Variants in SPTAN1 observed in about 807,000 individuals in gnomAD.
SPTAN1 encodes the protein spectrin alpha chain, non-erythrocytic 1.
SPTAN1 carries 61 observed loss-of-function variants against 331.3 expected under a neutral mutation model. The ratio of observed to expected loss-of-function variants is 0.18; its 90% confidence interval spans 0.15 to 0.23. The LOEUF (loss-of-function observed/expected upper bound fraction) is 0.23, where lower values mean the gene tolerates loss of function less well. Ranked by LOEUF, SPTAN1 falls within the 10% of genes least tolerant of loss-of-function variation. SPTAN1 has a pLI of 1.00. For synonymous variants in SPTAN1, 1,153 were observed against 1,173.9 expected, an observed-to-expected ratio of 0.98 and a Z score of 0.36; for missense variants, 2,043 against 3,147.9, an observed-to-expected ratio of 0.65 and a Z score of 8.40.
intron 10 of SPTAN1, among the ~76,000 whole-genome samples, chr9:128,580,278 C>A (rs1167612439): frequency 6.7e-6 from 1 of 149,600 alleles, no homozygotes; most frequent in Non-Finnish European, 1.5e-5. Flanking sequence ...GAGACCCTGT[C>A]TCTAAAAAAA....
At chr9:128,569,019 G>C (rs1273038730) in intron 3 of SPTAN1, 122 bp downstream of exon 3, 1 of 1,389,420 alleles carries the variant, frequency 7.2e-7, no homozygotes, top group East Asian at 2.4e-5. Context: ...AAGAATTTAT[G>C]AAGTCTCCTT....
chr9:128,598,463 G>A lies in SPTAN1; in HGVS notation c.3478G>A (p.Glu1160Lys). 1 of 1,613,196 alleles carries A rather than the reference G, an allele frequency of 6.2e-7. No individual in the cohort carries two copies. Among genetic ancestry groups the A allele is most frequent in the Non-Finnish European group, 8.5e-7 (1 of 1,179,724 alleles). ...CAAGGTAGCTGAAGACCTGGAGTCTGAAGGTCTCATGGCAGAGGAGGTGCA... is the reference window on the plus strand; with the variant it reads ...CAAGGTAGCTGAAGACCTGGAGTCTAAAGGTCTCATGGCAGAGGAGGTGCA... ...INKVAEDLES[E>K]GLMAEEVQAV... The change falls in exon 25 of 57, where the codon GAA (glutamate) becomes AAA (lysine). Residue 1160 changes from glutamate (E) to lysine (K), a missense_variant. Around this residue, in one of 12 missense-constraint regions of SPTAN1, gnomAD observed 1,038 missense variants for 1,531.5 expected, o/e 0.68. Transcript: ENST00000372739.
rs187613754 is a variant in SPTAN1, at chr9:128,632,799, C to T, written c.7161-9C>T. 3.0e-4 allele frequency: 483 copies of T among 1,614,072 alleles called. 1 individual carries two copies. The highest frequency in any genetic ancestry group is 1.3e-3 in the African/African-American group (95 of 75,042). On this transcript the variant is annotated splice_polypyrimidine_tract_variant and intron_variant, in intron 55 of 56. Transcript: ENST00000372739. ...TCCCTGCTCAGGCTCTTGCTTCCCC[C>T]GCTCCTAGAGATGGCCATGTCTCCT...
intron 2 of SPTAN1, 60 bp from the exon 3 acceptor site, chr9:128,568,712 G>T: frequency 6.2e-7 from 1 of 1,609,582 alleles, no homozygotes; most frequent in Non-Finnish European, 8.5e-7. Flanking sequence ...GGGAACAGCG[G>T]GGACAAAATG....
At chr9:128,556,290 G>T (rs1848633351) in intron 1 of SPTAN1, among the ~76,000 whole-genome samples, 1 of 150,698 alleles carries the variant, frequency 6.6e-6, no homozygotes, top group African/African-American at 2.4e-5. Context: ...TTCTAAGTCG[G>T]ACCTTTTTCA....
intron 26 of SPTAN1, chr9:128,599,338 T>C (rs1854739845): frequency 6.1e-6 from 2 of 330,014 alleles, no homozygotes; most frequent in Admixed American, 8.2e-5. Context: ...TTTCACCATG[T>C]TGTCCAGGCT....
Position 128,618,038 on chromosome 9 carries a change from G to A in SPTAN1, c.5530G>A (p.Glu1844Lys). The change falls in exon 43 of 57, where the codon GAG becomes AAG. Residue 1844 changes from glutamate (E) to lysine (K), a missense_variant. Glu to Lys is a moderately conservative substitution (Grantham distance 56, BLOSUM62 1). Transcript: ENST00000372739. Reference sequence around the variant, plus strand: ...GTCCGATGACAACACCATCGGGAAAGAGGAGATCCAGCAGCGGCTGGCGCA... The same window carrying A: ...GTCCGATGACAACACCATCGGGAAAAAGGAGATCCAGCAGCGGCTGGCGCA... ...KLSDDNTIGK[E>K]EIQQRLAQFV... 6.2e-7 allele frequency: 1 copy of A among 1,614,102 alleles called. No individual in the cohort carries two copies. Among genetic ancestry groups the A allele is most frequent in the Non-Finnish European group, 8.5e-7 (1 of 1,179,988 alleles).
intron 37 of SPTAN1, 61 bp from the exon 38 acceptor site, chr9:128,611,653 C>G (rs1028898261): frequency 6.2e-7 from 1 of 1,602,672 alleles, no homozygotes. Flanking sequence ...GAACCCCTTC[C>G]CCCTGAAAAG....
At chr9:128,626,306 G>T (rs756409693) in intron 48 of SPTAN1, 85 bp from the exon 49 acceptor site, 57 of 1,540,458 alleles carry the variant, frequency 3.7e-5, no homozygotes, top group Non-Finnish European at 4.4e-5. Context: ...CTGATTCCCA[G>T]GAACCACCCC....
intron 1 of SPTAN1, among the ~76,000 whole-genome samples, chr9:128,561,668 A>AAAAAAAAAAAAAAAAAAAAAAAAAAAC (rs1849377522): frequency 7.3e-6 from 1 of 137,358 alleles, no homozygotes; most frequent in Non-Finnish European, 1.6e-5. Flanking sequence ...GTCTCAAAAA[A>AAAAAAAAAAAAAAAAAAAAAAAAAAAC]AAAAAAAAAA....
chr9:128,599,685 T>TA (rs5900811), intron 26 of SPTAN1: 78,198 of 123,850 alleles, frequency 0.63, 27,300 homozygotes, highest in Non-Finnish European at 0.75. Context: ...AGCACAGCTC[T>TA]AAAAAAAAAA....
At chr9:128,558,346 A>G (rs1254204133) in intron 1 of SPTAN1, among the ~76,000 whole-genome samples, 1 of 152,222 alleles carries the variant, frequency 6.6e-6, no homozygotes, top group Non-Finnish European at 1.5e-5. Context: ...CTCCTCTAAT[A>G]ATATTTTGCA....
chr9:128,620,666 C>T (rs1477203154), intron 44 of SPTAN1, among the ~76,000 whole-genome samples: 4 of 151,872 alleles, frequency 2.6e-5, no homozygotes, highest in Non-Finnish European at 5.9e-5. Context: ...TGCAGTGAGC[C>T]AAGATCACGC....
At chr9:128,616,428 A>G (rs1484993383) in intron 41 of SPTAN1, among the ~76,000 whole-genome samples, 1 of 150,932 alleles carries the variant, frequency 6.6e-6, no homozygotes, top group African/African-American at 2.4e-5. Context: ...CCTGGTCGGA[A>G]GGCTTTAAGG....
At position 128,583,520 on chromosome 9, in the gene SPTAN1, T is replaced by C. The variant is rs12342313; in HGVS notation, c.2011+239T>C. On this transcript the variant is annotated intron_variant, in intron 15 of 56. Transcript: ENST00000372739. ...TGAGAAGGAACTGAATTGGGCCTCATTGCTGAAAATCAAAGTTCAGCTGAG... is the reference window on the plus strand; with the variant it reads ...TGAGAAGGAACTGAATTGGGCCTCACTGCTGAAAATCAAAGTTCAGCTGAG... 2.6e-3 allele frequency among the ~76,000 whole-genome samples: 400 copies of C among 152,328 alleles called. 4 individuals are homozygous for C. Among genetic ancestry groups the C allele is most frequent in the Admixed American group, 0.018 (271 of 15,296 alleles).
At chr9:128,618,662 T>A (rs1407070072) in intron 43 of SPTAN1, among the ~76,000 whole-genome samples, 1 of 151,964 alleles carries the variant, frequency 6.6e-6, no homozygotes. Flanking sequence ...TTTTTGTATT[T>A]TTAGTAGAGA....
Position 128,633,369 on chromosome 9 carries a change from C to G in SPTAN1, c.*35C>G. 6.2e-7 allele frequency: 1 copy of G among 1,613,102 alleles called. No homozygotes were observed. Among genetic ancestry groups the G allele is most frequent in the Non-Finnish European group, 8.5e-7 (1 of 1,180,008 alleles). On this transcript the variant is annotated 3_prime_UTR_variant, in exon 57 of 57. Coordinates refer to ENST00000372739, the MANE Select transcript of SPTAN1 (RefSeq NM_001130438.3). ...TGGGTCACCCACCCCTCGCTGCTTGCCCTGCGTCGCCTTGCTGCATGTCCG... is the reference window on the plus strand; with the variant it reads ...TGGGTCACCCACCCCTCGCTGCTTGGCCTGCGTCGCCTTGCTGCATGTCCG...
At chr9:128,553,373 T>C (rs1848333957) in intron 1 of SPTAN1, 1 of 134,056 alleles carries the variant, frequency 7.5e-6, no homozygotes, top group Admixed American at 8.0e-5. Context: ...GTAAATGCAG[T>C]GCTTGCATGG....
intron 30 of SPTAN1, 44 bp downstream of exon 30, chr9:128,605,222 A>G: frequency 6.2e-7 from 1 of 1,614,152 alleles, no homozygotes; most frequent in Non-Finnish European, 8.5e-7. Flanking sequence ...TTTTTGCCCC[A>G]GAAAGAGCAG....
Sources: allele counts gnomAD v4.1 joint callset (sites outside exome capture counted in the v4.1 genomes callset), GRCh38; gene constraint gnomAD v4.1.1; regional missense constraint gnomAD v4.1.1; transcripts MANE v1.5; gene names NCBI Gene and HGNC (gene_info 2026-07-23, HGNC 2026-07-21).